RCSD1: variants seen among roughly 807,000 people sequenced by gnomAD.
The protein encoded by RCSD1 is capZ-interacting protein.
A neutral mutation model predicts 42.5 loss-of-function variants in RCSD1; 26 were observed. The ratio of observed to expected loss-of-function variants is 0.61; its 90% CI spans 0.45 to 0.85. The LOEUF is 0.85. Ranked by LOEUF, RCSD1 falls within the 40% of genes least tolerant of loss-of-function variation. The pLI, the probability that RCSD1 is intolerant of heterozygous loss-of-function variation, is 0.00. For missense variants in RCSD1, 571 were observed against 528.3 expected (o/e 1.08, Z -0.79); for synonymous variants, 220 against 212.2 (o/e 1.04, Z -0.32).
At chr1:167,647,309 C>A (rs1215276416) in intron 1 of RCSD1, among the ~76,000 whole-genome samples, 2 of 151,710 alleles carry the variant, frequency 1.3e-5, no homozygotes, top group Non-Finnish European at 2.9e-5. Context: ...AAACAAGGGG[C>A]CAAGCACAGT....
At chr1:167,701,887 G>A (rs765210826) in intron 6 of RCSD1, among the ~76,000 whole-genome samples, 50 of 152,184 alleles carry the variant, frequency 3.3e-4, no homozygotes, top group Non-Finnish European at 5.6e-4. Flanking sequence ...TTGACCCCTT[G>A]AGTTATGGGC....
intron 1 of RCSD1, among the ~76,000 whole-genome samples, chr1:167,631,696 G>A (rs1176770358): frequency 1.3e-5 from 2 of 152,154 alleles, no homozygotes; most frequent in Non-Finnish European, 2.9e-5. Context: ...TATTACCCAT[G>A]CTGGTCTTGA....
chr1:167,662,596 A>G (rs1272791207), intron 1 of RCSD1, among the ~76,000 whole-genome samples: 1 of 152,198 alleles, frequency 6.6e-6, no homozygotes, highest in Non-Finnish European at 1.5e-5. Context: ...TCTGCTTTCC[A>G]GAAACTCTCC....
At chr1:167,693,917 A>C (rs1055410906) in intron 4 of RCSD1, among the ~76,000 whole-genome samples, 182 bp from the exon 5 acceptor site, 1 of 149,772 alleles carries the variant, frequency 6.7e-6, no homozygotes, top group African/African-American at 2.5e-5. Flanking sequence ...AGGAGGATAG[A>C]GTAGGCAATG....
chr1:167,644,675 C>A (rs557680961), intron 1 of RCSD1, among the ~76,000 whole-genome samples: 1 of 152,154 alleles, frequency 6.6e-6, no homozygotes, highest in South Asian at 2.1e-4. Flanking sequence ...TTCCTCCCCC[C>A]ACATACCTGG....
chr1:167,668,561 A>G (rs902583894), intron 1 of RCSD1, among the ~76,000 whole-genome samples: 14 of 152,112 alleles, frequency 9.2e-5, no homozygotes, highest in African/African-American at 3.4e-4. Flanking sequence ...TCACCCTAAT[A>G]AATAATAAGC....
chr1:167,655,292 T>C (rs1658399057), intron 1 of RCSD1, among the ~76,000 whole-genome samples: 1 of 152,130 alleles, frequency 6.6e-6, no homozygotes, highest in Non-Finnish European at 1.5e-5. Flanking sequence ...AGGAGAGAGG[T>C]GCTTTGCAGA....
chr1:167,684,068 C>T (rs1410017489), intron 2 of RCSD1, 67 bp downstream of exon 2: 1 of 1,322,480 alleles, frequency 7.6e-7, no homozygotes, highest in African/African-American at 1.4e-5. Context: ...TCTGGTCAGG[C>T]CCAGCGGAGA....
intron 1 of RCSD1, among the ~76,000 whole-genome samples, chr1:167,655,930 T>A (rs1021425755): frequency 6.6e-6 from 1 of 152,194 alleles, no homozygotes; most frequent in African/African-American, 2.4e-5. Context: ...ATGTTCTACT[T>A]GCACCAGAGA....
At position 167,697,414 on chromosome 1, in the gene RCSD1, G is replaced by A. The variant is rs942519594; in HGVS notation, c.790G>A (p.Ala264Thr). The A allele has an allele frequency of 1.2e-6, 2 of 1,613,188 alleles. No individual in the cohort carries two copies. Among genetic ancestry groups the A allele is most frequent in the Non-Finnish European group, 1.7e-6 (2 of 1,179,650 alleles). The change falls in exon 6 of 7, where the codon GCC becomes ACC. Residue 264 changes from alanine to threonine, a missense_variant. By Grantham distance (58) the Ala-to-Thr change is moderately conservative. Transcript: ENST00000367854. ...ATEEAKNGEK[A>T]RRSSEEVDGQ... Reference sequence around the variant, plus strand: ...AGAGGAAGCCAAGAACGGTGAAAAGGCCAGGCGGAGTTCAGAGGAGGTGGA... The same window carrying A: ...AGAGGAAGCCAAGAACGGTGAAAAGACCAGGCGGAGTTCAGAGGAGGTGGA...
intron 3 of RCSD1, among the ~76,000 whole-genome samples, chr1:167,686,854 C>T (rs1431447735): frequency 6.6e-6 from 1 of 152,222 alleles, no homozygotes; most frequent in Non-Finnish European, 1.5e-5. Flanking sequence ...TGTGAGACTG[C>T]CCCCTGATAG....
chr1:167,672,692 T>A (rs1658839523), intron 1 of RCSD1, among the ~76,000 whole-genome samples: 1 of 152,214 alleles, frequency 6.6e-6, no homozygotes, highest in African/African-American at 2.4e-5. Flanking sequence ...CTGGCAGCCT[T>A]AATTCCATCT....
In RCSD1 at chr1:167,691,375, C is replaced by T. The variant is rs115961243; in HGVS notation, c.270+1255C>T. On this transcript the variant is annotated intron_variant, in intron 4 of 6. Coordinates refer to ENST00000367854, the MANE Select transcript of RCSD1 (RefSeq NM_052862.4). The stretch of plus-strand genomic sequence containing the variant: ...TTATGAAACACCTATGTCCTGAGCC[C>T]GTCCTTAAGGAATGCGTGGCTGAAA... Among the ~76,000 whole-genome samples the T allele has an allele frequency of 5.6e-3, 853 of 152,294 alleles. 13 individuals are homozygous for T. The highest frequency in any genetic ancestry group is 0.019 in the African/African-American group (805 of 41,542).
chr1:167,631,059 T>A (rs555980329), intron 1 of RCSD1, among the ~76,000 whole-genome samples: 1 of 152,262 alleles, frequency 6.6e-6, no homozygotes, highest in Admixed American at 6.5e-5. Context: ...AAGACTCCCT[T>A]GGACACCCTT....
chr1:167,680,421 G>A (rs762068553), intron 1 of RCSD1, among the ~76,000 whole-genome samples: 1 of 152,008 alleles, frequency 6.6e-6, no homozygotes, highest in Non-Finnish European at 1.5e-5. Flanking sequence ...GGAGGAGGAG[G>A]AGGAAGAAAC....
At chr1:167,694,891 G>A (rs143970685) in intron 5 of RCSD1, among the ~76,000 whole-genome samples, 56 of 152,238 alleles carry the variant, frequency 3.7e-4, no homozygotes, top group African/African-American at 1.2e-3. Context: ...CACATCCCTC[G>A]CCCTGCTGGG....
intron 1 of RCSD1, among the ~76,000 whole-genome samples, chr1:167,647,515 G>A (rs1463780481): frequency 1.3e-5 from 2 of 151,812 alleles, no homozygotes; most frequent in African/African-American, 2.4e-5. Context: ...GAGCCTAGAA[G>A]TTCAAGACCA....
At chr1:167,667,461 A>C (rs1052109540) in intron 1 of RCSD1, among the ~76,000 whole-genome samples, 1 of 152,258 alleles carries the variant, frequency 6.6e-6, no homozygotes, top group Non-Finnish European at 1.5e-5. Context: ...AATATCAAGC[A>C]GCAAACAGAT....
chr1:167,693,899 G>C (rs1364931683), intron 4 of RCSD1, among the ~76,000 whole-genome samples, 200 bp from the exon 5 acceptor site: 1 of 149,776 alleles, frequency 6.7e-6, no homozygotes, highest in Non-Finnish European at 1.5e-5. Context: ...TGGCAAGCCA[G>C]GTAGCAGAGG....
Sources: allele counts gnomAD v4.1 joint callset (sites outside exome capture counted in the v4.1 genomes callset), GRCh38; gene constraint gnomAD v4.1.1; transcripts MANE v1.5; gene names NCBI Gene and HGNC (gene_info 2026-07-23, HGNC 2026-07-21).